Variants in PHYHIPL observed in about 807,000 individuals in gnomAD.
PHYHIPL encodes the protein phytanoyl-CoA hydroxylase-interacting protein-like.
PHYHIPL carries 9 observed loss-of-function variants against 33.4 expected under a neutral mutation model. The observed-to-expected ratio is 0.27, with a 90% CI of 0.16 to 0.47. The LOEUF is 0.47. Ranked by LOEUF, PHYHIPL falls within the 20% of genes least tolerant of loss-of-function variation. The probability of loss-of-function intolerance (pLI) is 0.99; values close to 1 mark genes in which losing one functional copy is unlikely to be tolerated. For synonymous variants in PHYHIPL, 153 were observed against 154.1 expected, an observed-to-expected ratio of 0.99 and a Z score of 0.05; for missense variants, 365 against 460.7, an observed-to-expected ratio of 0.79 and a Z score of 1.90.
chr10:59,227,655 T>G (rs964060040), intron 1 of PHYHIPL, among the ~76,000 whole-genome samples: 1 of 152,110 alleles, frequency 6.6e-6, no homozygotes, highest in African/African-American at 2.4e-5. Flanking sequence ...CATCAAGATA[T>G]GTAAAGCAAA....
intron 4 of PHYHIPL, among the ~76,000 whole-genome samples, chr10:59,240,244 T>A (rs1005374477): frequency 3.3e-5 from 5 of 152,044 alleles, no homozygotes; most frequent in Admixed American, 6.6e-5. Context: ...ACATAAATTA[T>A]TGTGCTTGTC....
Position 59,246,130 on chromosome 10 carries a change from AAATAT to A in PHYHIPL, c.*544_*548del, listed in dbSNP as rs1189467625. 2.0e-5 allele frequency: 3 copies of A among 152,764 alleles called. No homozygotes were observed. Among genetic ancestry groups the A allele is most frequent in the South Asian group, 2.1e-4 (1 of 4,834 alleles). 9.5% of individuals were successfully genotyped at this position (152,764 alleles called of 1,614,324 possible). A position where few individuals can be genotyped will look rare whatever the true frequency, so the allele number is the denominator to read the frequency against. ...AACAACTACTGTGTTTCAACATAAT[AAATAT>A]AATAGAAAAATATTTTATTTGTATT... is the stretch of plus-strand genomic sequence containing the variant. On this transcript the variant is annotated 3_prime_UTR_variant, in exon 5 of 5. Coordinates refer to ENST00000373880, the MANE Select transcript of PHYHIPL (RefSeq NM_032439.4).
At chr10:59,224,456 G>GAAACGAAACAAAACA (rs145470616) in intron 1 of PHYHIPL, among the ~76,000 whole-genome samples, 2 of 139,806 alleles carry the variant, frequency 1.4e-5, no homozygotes, top group Non-Finnish European at 3.1e-5. Flanking sequence ...CTGTCTCAAG[G>GAAACGAAACAAAACA]AAACAAAACA....
intron 1 of PHYHIPL, chr10:59,177,461 TG>T: frequency 6.5e-7 from 1 of 1,529,432 alleles, no homozygotes; most frequent in Non-Finnish European, 8.8e-7. Flanking sequence ...TTTAGCCTCT[TG>T]GATTGGGATT....
chr10:59,198,307 G>GT (rs1245945776), intron 1 of PHYHIPL, among the ~76,000 whole-genome samples: 1 of 151,856 alleles, frequency 6.6e-6, no homozygotes, highest in Non-Finnish European at 1.5e-5. Context: ...GCGGTGTTTG[G>GT]TTTTTTTGTC....
intron 2 of PHYHIPL, 46 bp downstream of exon 2, chr10:59,234,546 C>T: frequency 7.4e-7 from 1 of 1,342,520 alleles, no homozygotes; most frequent in Non-Finnish European, 1.0e-6. Flanking sequence ...TTAAAACTTT[C>T]TAAGTATGAG....
intron 1 of PHYHIPL, among the ~76,000 whole-genome samples, chr10:59,201,098 AGCTTTT>A (rs1457499022): frequency 2.0e-5 from 3 of 152,138 alleles, no homozygotes; most frequent in Non-Finnish European, 4.4e-5. Context: ...GGCTTCTGCT[AGCTTTT>A]GAATGTGTTT....
chr10:59,233,727 T>C (rs1002128949), intron 1 of PHYHIPL, among the ~76,000 whole-genome samples: 1 of 151,762 alleles, frequency 6.6e-6, no homozygotes, highest in Non-Finnish European at 1.5e-5. Flanking sequence ...TTAGCCTTAT[T>C]TGTTATTTCA....
intron 1 of PHYHIPL, chr10:59,177,709 T>C (rs1040698616): frequency 2.1e-6 from 3 of 1,437,196 alleles, no homozygotes; most frequent in Non-Finnish European, 2.9e-6. Flanking sequence ...AATACAGGTC[T>C]GAGCGTTGAA....
chr10:59,190,015 T>A (rs1838739948), intron 1 of PHYHIPL, among the ~76,000 whole-genome samples: 2 of 152,006 alleles, frequency 1.3e-5, no homozygotes. Context: ...GATTTCAAAC[T>A]TTCTAATTTG....
At chr10:59,196,147 G>A in intron 1 of PHYHIPL, among the ~76,000 whole-genome samples, 1 of 151,962 alleles carries the variant, frequency 6.6e-6, no homozygotes, top group East Asian at 1.9e-4. Context: ...TTAAAACAAA[G>A]TATCTAAATA....
chr10:59,187,426 C>T (rs1325771755), intron 1 of PHYHIPL, among the ~76,000 whole-genome samples: 4 of 152,004 alleles, frequency 2.6e-5, no homozygotes, highest in Non-Finnish European at 5.9e-5. Context: ...CTAAAATTCT[C>T]TTTTTTTGTT....
At chr10:59,194,971 A>G (rs557706747) in intron 1 of PHYHIPL, among the ~76,000 whole-genome samples, 1 of 152,304 alleles carries the variant, frequency 6.6e-6, no homozygotes, top group African/African-American at 2.4e-5. Flanking sequence ...TTATTTGAGC[A>G]TACAGAATTC....
At chr10:59,212,050 G>A (rs758660769) in intron 1 of PHYHIPL, among the ~76,000 whole-genome samples, 9 of 151,972 alleles carry the variant, frequency 5.9e-5, no homozygotes, top group African/African-American at 9.7e-5. Flanking sequence ...TGGATTAATG[G>A]GTTATTTTGG....
At chr10:59,225,458 A>G (rs1405172770) in intron 1 of PHYHIPL, among the ~76,000 whole-genome samples, 1 of 152,226 alleles carries the variant, frequency 6.6e-6, no homozygotes, top group East Asian at 1.9e-4. Flanking sequence ...GGCCACAGAA[A>G]GTGAAGCTTT....
chr10:59,198,204 T>G (rs991624463), intron 1 of PHYHIPL, among the ~76,000 whole-genome samples: 1 of 143,786 alleles, frequency 7.0e-6, no homozygotes, highest in African/African-American at 2.5e-5. Context: ...CCCTCCCCCC[T>G]ACCCCCACCC....
intron 1 of PHYHIPL, among the ~76,000 whole-genome samples, chr10:59,199,459 G>A (rs1839029484): frequency 6.6e-6 from 1 of 152,106 alleles, no homozygotes; most frequent in Non-Finnish European, 1.5e-5. Context: ...TGTTACCGTA[G>A]CCTTGTAGTA....
At chr10:59,233,070 G>A (rs997819164) in intron 1 of PHYHIPL, among the ~76,000 whole-genome samples, 3 of 151,810 alleles carry the variant, frequency 2.0e-5, no homozygotes, top group Admixed American at 2.0e-4. Flanking sequence ...AAATGGGACT[G>A]TGAAGAAAGT....
At chr10:59,199,323 C>G (rs559483279) in intron 1 of PHYHIPL, among the ~76,000 whole-genome samples, 175 of 152,230 alleles carry the variant, frequency 1.1e-3, no homozygotes, top group African/African-American at 4.1e-3. Context: ...AATCCTTTCC[C>G]CATTTCTTGT....
Sources: allele counts gnomAD v4.1 joint callset (sites outside exome capture counted in the v4.1 genomes callset), GRCh38; gene constraint gnomAD v4.1.1; transcripts MANE v1.5; gene names NCBI Gene and HGNC (gene_info 2026-07-23, HGNC 2026-07-21).